The following ANO4 variants were observed in gnomAD, a reference collection of about 807,000 sequenced individuals.
ANO4 encodes the protein anoctamin-4.
ANO4 carries 69 observed loss-of-function variants against 141.9 expected under a neutral mutation model. The ratio of observed to expected loss-of-function variants is 0.49; its 90% CI spans 0.40 to 0.59. The LOEUF (loss-of-function observed/expected upper bound fraction) is 0.59, where lower values mean the gene tolerates loss of function less well. Ranked by LOEUF, ANO4 falls within the 20% of genes least tolerant of loss-of-function variation. ANO4 has a pLI of 0.00. For synonymous variants in ANO4, 350 were observed against 394.3 expected (o/e 0.89, Z 1.33); for missense variants, 894 against 1,162.2 (o/e 0.77, Z 3.36).
intron 2 of ANO4, among the ~76,000 whole-genome samples, chr12:100,904,085 G>A (rs1426134537): frequency 1.3e-5 from 2 of 152,122 alleles, no homozygotes; most frequent in African/African-American, 4.8e-5. Flanking sequence ...TTAAGGGCAG[G>A]GATTCTGGAT....
chr12:100,987,774 A>G, intron 8 of ANO4, 104 bp downstream of exon 8: 1 of 1,457,062 alleles, frequency 6.9e-7, no homozygotes. Flanking sequence ...GGAACAGCAT[A>G]GTGCCCTTCT....
intron 1 of ANO4, among the ~76,000 whole-genome samples, chr12:100,889,717 A>G (rs892773703): frequency 1.3e-5 from 2 of 152,208 alleles, no homozygotes; most frequent in Non-Finnish European, 1.5e-5. Flanking sequence ...TAGAATGGCA[A>G]TCATTAAAAA....
At chr12:100,909,381 G>C (rs2040999983) in intron 2 of ANO4, among the ~76,000 whole-genome samples, 1 of 152,140 alleles carries the variant, frequency 6.6e-6, no homozygotes, top group Non-Finnish European at 1.5e-5. Flanking sequence ...TTCATAGTGG[G>C]AGGGTAGGAC....
chr12:101,080,998 AATATAC>A (rs1417610823), intron 15 of ANO4, among the ~76,000 whole-genome samples: 4 of 137,538 alleles, frequency 2.9e-5, no homozygotes, highest in Non-Finnish European at 6.2e-5. Flanking sequence ...CTAGAAAAAA[AATATAC>A]ATATATATAT....
chr12:100,780,376 TAGAC>T (rs201693025), intron 3 of ANO4, among the ~76,000 whole-genome samples: 1,899 of 152,280 alleles, frequency 0.012, 25 homozygotes, highest in African/African-American at 0.043. Flanking sequence ...GGCTATCTCA[TAGAC>T]AGAGTAGCAG....
intron 3 of ANO4, among the ~76,000 whole-genome samples, chr12:100,777,693 A>G (rs933008338): frequency 6.6e-6 from 1 of 152,198 alleles, no homozygotes; most frequent in African/African-American, 2.4e-5. Flanking sequence ...ATTCAGATTT[A>G]TAAATTTAAT....
chr12:100,812,071 T>TC (rs1242598637), intron 1 of ANO4, among the ~76,000 whole-genome samples: 3 of 152,072 alleles, frequency 2.0e-5, no homozygotes, highest in South Asian at 4.1e-4. Flanking sequence ...TCCTCTTCTC[T>TC]CCCCCCACAG....
At chr12:101,123,202 G>A (rs1035849950) in intron 26 of ANO4, among the ~76,000 whole-genome samples, 6 of 152,138 alleles carry the variant, frequency 3.9e-5, no homozygotes, top group African/African-American at 1.4e-4. Context: ...ATATTAAGCT[G>A]CTCTTCCCTG....
At chr12:101,099,434 T>A (rs2136959766) in intron 21 of ANO4, 144 bp from the exon 22 acceptor site, 1 of 713,316 alleles carries the variant, frequency 1.4e-6, no homozygotes, top group Non-Finnish European at 2.3e-6. Flanking sequence ...TGTTATTTTC[T>A]TCCTAACCTG....
At chr12:101,106,657 A>G (rs1251346563) in intron 22 of ANO4, among the ~76,000 whole-genome samples, 1 of 150,508 alleles carries the variant, frequency 6.6e-6, no homozygotes, top group African/African-American at 2.4e-5. Context: ...AGGGAGAGGA[A>G]ACCACTCAAG....
At chr12:100,970,939 G>A (rs1299261914) in intron 5 of ANO4, among the ~76,000 whole-genome samples, 3 of 152,008 alleles carry the variant, frequency 2.0e-5, no homozygotes, top group Admixed American at 6.6e-5. Flanking sequence ...GTCTGGTCTC[G>A]AACTCCTGAC....
At chr12:101,104,145 G>A (rs1298062241) in intron 22 of ANO4, among the ~76,000 whole-genome samples, 1 of 151,608 alleles carries the variant, frequency 6.6e-6, no homozygotes, top group Non-Finnish European at 1.5e-5. Context: ...CAGTACCTTA[G>A]AGGTTTATTA....
chr12:100,748,346 G>A (rs963871625), intron 3 of ANO4, among the ~76,000 whole-genome samples: 1 of 152,222 alleles, frequency 6.6e-6, no homozygotes, highest in Admixed American at 6.5e-5. Flanking sequence ...GAGATGCAGA[G>A]TAATTGGACC....
chr12:101,121,483 T>C (rs1161904922), intron 26 of ANO4, among the ~76,000 whole-genome samples: 1 of 152,222 alleles, frequency 6.6e-6, no homozygotes, highest in African/African-American at 2.4e-5. Flanking sequence ...TGGTCCACCA[T>C]TGATGGGCAC....
intron 14 of ANO4, among the ~76,000 whole-genome samples, chr12:101,049,038 A>G (rs1033394336): frequency 2.6e-5 from 4 of 152,234 alleles, no homozygotes; most frequent in Non-Finnish European, 5.9e-5. Flanking sequence ...TAAAGCTTCA[A>G]TTTAATGATA....
chr12:101,065,586 C>A (rs58050306), intron 14 of ANO4, among the ~76,000 whole-genome samples: 6,081 of 152,038 alleles, frequency 0.04, 396 homozygotes, highest in African/African-American at 0.14. Context: ...CTGAACAGAC[C>A]AATAATGAGT....
intron 9 of ANO4, among the ~76,000 whole-genome samples, chr12:101,035,294 G>C (rs893246327): frequency 2.6e-5 from 4 of 152,148 alleles, no homozygotes; most frequent in Non-Finnish European, 5.9e-5. Context: ...AATGTTATAT[G>C]ATTCCATTTA....
intron 22 of ANO4, among the ~76,000 whole-genome samples, chr12:101,105,894 G>T (rs2050421389): frequency 6.6e-6 from 1 of 152,184 alleles, no homozygotes; most frequent in South Asian, 2.1e-4. Flanking sequence ...GCCAAGGTTG[G>T]TGGATCACCT....
intron 24 of ANO4, among the ~76,000 whole-genome samples, chr12:101,112,774 A>G (rs903599499): frequency 6.6e-6 from 1 of 152,208 alleles, no homozygotes; most frequent in Non-Finnish European, 1.5e-5. Context: ...ATGATTGAGG[A>G]ATGTCATAAA....
Sources: allele counts gnomAD v4.1 joint callset (sites outside exome capture counted in the v4.1 genomes callset), GRCh38; gene constraint gnomAD v4.1.1; transcripts MANE v1.5; gene names NCBI Gene and HGNC (gene_info 2026-07-23, HGNC 2026-07-21).